The following PFKP variants were observed in gnomAD, a reference collection of about 807,000 sequenced individuals.
PFKP encodes the protein ATP-dependent 6-phosphofructokinase, platelet type.
In PFKP, 101 loss-of-function variants were observed where a neutral mutation model predicts 94.3. The observed-to-expected ratio is 1.07, with a 90% confidence interval of 0.91 to 1.26. PFKP has a LOEUF of 1.26. Among genes scored for constraint, PFKP ranks in the 50% most tolerant of loss-of-function variants. PFKP has a pLI of 0.00. For synonymous variants in PFKP, 573 were observed against 432.6 expected (o/e 1.32, Z -4.03); for missense variants, 1,145 against 1,103.3 (o/e 1.04, Z -0.53).
intron 1 of PFKP, among the ~76,000 whole-genome samples, chr10:3,071,446 T>C (rs764870523): frequency 0.08 from 5,795 of 72,824 alleles, 165 homozygotes; most frequent in Non-Finnish European, 0.14. Flanking sequence ...TTTTTTTTTT[T>C]TTTCTTTCTC....
At chr10:3,100,123 C>T (rs1326033332) in intron 3 of PFKP, among the ~76,000 whole-genome samples, 1 of 151,304 alleles carries the variant, frequency 6.6e-6, no homozygotes. Context: ...GGCACCCACT[C>T]CTCTGCAGCC....
At chr10:3,079,327 C>T (rs373774409) in intron 1 of PFKP, among the ~76,000 whole-genome samples, 6 of 151,950 alleles carry the variant, frequency 3.9e-5, no homozygotes, top group East Asian at 3.9e-4. Context: ...CTCCACCTCC[C>T]GGGTTCACGC....
At position 3,094,749 on chromosome 10, in the gene PFKP, G is replaced by A. The variant is rs1230156174; in HGVS notation, c.187-4526G>A. 3.3e-5 allele frequency among the ~76,000 whole-genome samples: 5 copies of A among 152,162 alleles called. No homozygotes were observed. In the East Asian group the frequency reaches 5.8e-4, roughly 18 times the overall value. On this transcript the variant is annotated intron_variant, in intron 2 of 21. Transcript: ENST00000381125. ...TTCCCAAGTCTAAGCCTAGAGAGCC[G>A]TTCAGAGCTGACCTCTGCATGCATG...
At chr10:3,093,913 G>A (rs536587052) in intron 2 of PFKP, among the ~76,000 whole-genome samples, 63 of 152,298 alleles carry the variant, frequency 4.1e-4, no homozygotes, top group Middle Eastern at 6.8e-3. Context: ...AAAGTGCTGG[G>A]ATTACAGGCG....
Position 3,080,032 on chromosome 10 carries a change from G to A in PFKP, c.113-2356G>A, listed in dbSNP as rs1292452562. 4.6e-5 allele frequency among the ~76,000 whole-genome samples: 7 copies of A among 152,126 alleles called. No homozygotes were observed. In the East Asian group the frequency reaches 1.4e-3, roughly 29 times the overall value. On this transcript the variant is annotated intron_variant, in intron 1 of 21. Coordinates refer to ENST00000381125, the MANE Select transcript of PFKP (RefSeq NM_002627.5). Reference sequence around the variant, plus strand: ...TTTTCCTGGGAGGTGCCAGAGCCGAGGAGGAGTTGGAGGAGGAAGAGCGTC... The same window carrying A: ...TTTTCCTGGGAGGTGCCAGAGCCGAAGAGGAGTTGGAGGAGGAAGAGCGTC...
In PFKP at chr10:3,109,436, G is replaced by A. The variant is rs773142882; in HGVS notation, c.1045G>A (p.Gly349Arg). ...CCCAGCTTGCGTCGTGTCACTGAACGGGAACCACGCCGTGCGCCTGCCGCT... is the reference window on the plus strand; with the variant it reads ...CCCAGCTTGCGTCGTGTCACTGAACAGGAACCACGCCGTGCGCCTGCCGCT... ...DTPACVVSLN[G>R]NHAVRLPLME... is the part of the protein sequence containing the mutation. The change falls in exon 10 of 22, where the codon GGG (glycine) becomes AGG (arginine). Residue 349 changes from glycine (G) to arginine (R), a missense_variant. Transcript: ENST00000381125. 3.7e-5 allele frequency: 59 copies of A among 1,608,234 alleles called. No individual in the cohort carries two copies. The South Asian group carries it at 4.9e-4, about 13-fold the overall frequency.
At chr10:3,135,608 C>G in intron 20 of PFKP, 128 bp from the exon 21 acceptor site, 2 of 623,452 alleles carry the variant, frequency 3.2e-6, no homozygotes, top group Admixed American at 5.5e-5. Flanking sequence ...TTCTCAGTCT[C>G]ACTGGGCTTC....
At position 3,099,338 on chromosome 10, in the gene PFKP, A is replaced by C. The variant is rs1488543826; in HGVS notation, c.250A>C (p.Ser84Arg). Residue 84 changes from serine to arginine, a missense_variant, in exon 3 of 22, where the codon AGC becomes CGC. Ser to Arg is a moderately radical substitution (Grantham distance 110). This residue lies in a region of PFKP where 1,119 missense variants were observed against 1,062.8 expected (regional missense o/e 1.05). Coordinates refer to ENST00000381125, the MANE Select transcript of PFKP (RefSeq NM_002627.5). ...AGAGGCCGACTGGGAGAGTGTCTCC[A>C]GCATCCTGCAAGTGGTAGGTACTGG... ...IAEADWESVS[S>R]ILQVGGTIIG... 6.2e-7 allele frequency: 1 copy of C among 1,614,006 alleles called. No individual in the cohort carries two copies. The highest frequency in any genetic ancestry group is 8.5e-7 in the Non-Finnish European group (1 of 1,179,856).
chr10:3,080,516 CAAAAAAAA>C (rs869281524), intron 1 of PFKP, among the ~76,000 whole-genome samples: 11 of 68,664 alleles, frequency 1.6e-4, no homozygotes, highest in African/African-American at 3.8e-4. Context: ...GACTCCGTCT[CAAAAAAAA>C]AAAAAAAAAA....
intron 2 of PFKP, among the ~76,000 whole-genome samples, chr10:3,097,900 T>C (rs1422261804): frequency 6.6e-6 from 1 of 152,176 alleles, no homozygotes; most frequent in Non-Finnish European, 1.5e-5. Flanking sequence ...TCCCAAGTAC[T>C]CTGGAGGCTG....
At position 3,103,728 on chromosome 10, in the gene PFKP, C is replaced by T. The variant is rs377621357; in HGVS notation, c.455-51C>T. ...GCCTCACCCCTAGTGGGGCACCCCC[C>T]GAACGCGCCATGGTTACGGCGATGA... On this transcript the variant is annotated intron_variant, in intron 4 of 21. Coordinates refer to ENST00000381125, the MANE Select transcript of PFKP (RefSeq NM_002627.5). 2,434 of 1,603,118 alleles carry T rather than the reference C, an allele frequency of 1.5e-3. 6 individuals carry two copies. Among genetic ancestry groups the T allele is most frequent in the African/African-American group, 5.5e-3 (412 of 74,922 alleles).
intron 16 of PFKP, among the ~76,000 whole-genome samples, chr10:3,128,621 C>T (rs551693445): frequency 6.6e-5 from 10 of 152,366 alleles, no homozygotes; most frequent in African/African-American, 1.7e-4. Flanking sequence ...ACGCCTTGTA[C>T]GCCTTGTTCC....
intron 5 of PFKP, among the ~76,000 whole-genome samples, chr10:3,104,502 G>A (rs1564304839): frequency 6.6e-6 from 1 of 152,354 alleles, no homozygotes; most frequent in East Asian, 1.9e-4. Context: ...GACTGGGAGA[G>A]TGCCCGAATC....
intron 1 of PFKP, among the ~76,000 whole-genome samples, chr10:3,077,505 A>G (rs1832712934): frequency 6.6e-6 from 1 of 151,366 alleles, no homozygotes; most frequent in African/African-American, 2.4e-5. Flanking sequence ...TGACCTCGTG[A>G]TCCGCCCACC....
At chr10:3,101,843 G>A (rs1835022489) in intron 4 of PFKP, among the ~76,000 whole-genome samples, 1 of 152,218 alleles carries the variant, frequency 6.6e-6, no homozygotes, top group African/African-American at 2.4e-5. Context: ...ATTTACAGAT[G>A]AGGAATCAAA....
intron 12 of PFKP, 59 bp from the exon 13 acceptor site, chr10:3,113,313 C>T: frequency 1.3e-6 from 2 of 1,576,012 alleles, no homozygotes; most frequent in Admixed American, 1.7e-5. Flanking sequence ...CCAAAGTGTG[C>T]AGCAAATGGA....
intron 16 of PFKP, among the ~76,000 whole-genome samples, chr10:3,121,823 T>C (rs1371811614): frequency 5.2e-5 from 3 of 57,958 alleles, no homozygotes; most frequent in African/African-American, 1.7e-4. Context: ...TTTTTTTTTT[T>C]TTTTTTTCTT....
At chr10:3,075,720 T>C (rs1209567252) in intron 1 of PFKP, among the ~76,000 whole-genome samples, 2 of 149,750 alleles carry the variant, frequency 1.3e-5, no homozygotes, top group African/African-American at 2.5e-5. Flanking sequence ...CTGGGCAACA[T>C]GGCAAGACCT....
chr10:3,074,248 C>T (rs539691027), intron 1 of PFKP, among the ~76,000 whole-genome samples: 1 of 152,312 alleles, frequency 6.6e-6, no homozygotes, highest in South Asian at 2.1e-4. Flanking sequence ...AGCTGTCACT[C>T]CTGTGGTGAG....
Sources: allele counts gnomAD v4.1 joint callset (sites outside exome capture counted in the v4.1 genomes callset), GRCh38; gene constraint gnomAD v4.1.1; regional missense constraint gnomAD v4.1.1; transcripts MANE v1.5; gene names NCBI Gene and HGNC (gene_info 2026-07-23, HGNC 2026-07-21).